The following SLIT3 variants were observed in gnomAD, a reference collection of about 807,000 sequenced individuals.
SLIT3 encodes the protein slit homolog 3 protein.
A neutral mutation model predicts 184.0 loss-of-function variants in SLIT3; 68 were observed. The observed-to-expected ratio is 0.37, with a 90% confidence interval of 0.30 to 0.45. The LOEUF (loss-of-function observed/expected upper bound fraction) is 0.45. Among genes scored for constraint, SLIT3 ranks in the 20% least tolerant of loss-of-function variants. The pLI, the probability that SLIT3 is intolerant of heterozygous loss-of-function variation, is 1.00. For missense variants in SLIT3, 1,707 were observed against 2,026.0 expected, an observed-to-expected ratio of 0.84 and a Z score of 3.02; for synonymous variants, 831 against 828.6, an observed-to-expected ratio of 1.00 and a Z score of -0.05.
intron 1 of SLIT3, among the ~76,000 whole-genome samples, chr5:169,279,294 G>A (rs1040687399): frequency 6.6e-6 from 1 of 152,220 alleles, no homozygotes; most frequent in Non-Finnish European, 1.5e-5. Context: ...CCCTGCAGGT[G>A]TGTGTAGAAT....
At chr5:168,933,286 G>A (rs529822787) in intron 4 of SLIT3, among the ~76,000 whole-genome samples, 2 of 151,928 alleles carry the variant, frequency 1.3e-5, no homozygotes, top group South Asian at 2.1e-4. Context: ...GCTCAAGCCT[G>A]TAATCCTGGC....
intron 1 of SLIT3, among the ~76,000 whole-genome samples, chr5:169,267,182 C>T (rs1217011316): frequency 1.3e-5 from 2 of 152,050 alleles, no homozygotes; most frequent in Non-Finnish European, 2.9e-5. Flanking sequence ...GAGATTAAGA[C>T]ACCTGTCTAT....
intron 4 of SLIT3, among the ~76,000 whole-genome samples, chr5:169,083,407 G>C (rs1053438820): frequency 6.6e-6 from 1 of 152,158 alleles, no homozygotes; most frequent in Non-Finnish European, 1.5e-5. Context: ...GGGGCGTTAG[G>C]GGGTGGGGGC....
intron 4 of SLIT3, among the ~76,000 whole-genome samples, chr5:168,917,379 G>A (rs149620285): frequency 6.6e-6 from 1 of 152,286 alleles, no homozygotes; most frequent in East Asian, 1.9e-4. Context: ...CCCAGCTTGT[G>A]TTCTTGCCTA....
intron 3 of SLIT3, among the ~76,000 whole-genome samples, chr5:169,211,832 T>C (rs1307427833): frequency 2.0e-5 from 3 of 152,138 alleles, no homozygotes; most frequent in African/African-American, 7.2e-5. Context: ...TTCCCCTCCC[T>C]GTGTCCATGT....
Position 168,838,654 on chromosome 5 carries a change from G to A in SLIT3, c.557+5930C>T, listed in dbSNP as rs1466372972. Among the ~76,000 whole-genome samples the A allele has an allele frequency of 3.9e-5, 6 of 152,204 alleles. No homozygotes were observed. In the South Asian group the frequency reaches 1.0e-3, roughly 26 times the overall value. On this transcript the variant is annotated intron_variant, in intron 6 of 35. Transcript: ENST00000519560. ...TTGAATATCCTAACACCCTGTACCA[G>A]GACACCAACCCCGCTCTAGGAGAGT...
At chr5:168,698,577 G>A (rs1414623127) in intron 27 of SLIT3, among the ~76,000 whole-genome samples, 1 of 152,124 alleles carries the variant, frequency 6.6e-6, no homozygotes, top group Non-Finnish European at 1.5e-5. Flanking sequence ...CTATCCTTCA[G>A]AACTGTGAGA....
chr5:169,240,584 T>TC (rs1561760090), intron 3 of SLIT3, among the ~76,000 whole-genome samples: 1 of 87,508 alleles, frequency 1.1e-5, no homozygotes, highest in African/African-American at 3.3e-5. Context: ...ATTTTCTTTT[T>TC]TTTTTTTTTT....
chr5:169,106,051 G>GC (rs1424452751), intron 4 of SLIT3, among the ~76,000 whole-genome samples: 1 of 145,658 alleles, frequency 6.9e-6, no homozygotes, highest in Non-Finnish European at 1.5e-5. Context: ...GAGCCTGTTG[G>GC]GGGGGCAGGG....
intron 20 of SLIT3, among the ~76,000 whole-genome samples, chr5:168,740,575 G>T (rs918909864): frequency 2.6e-5 from 4 of 152,146 alleles, no homozygotes; most frequent in Non-Finnish European, 4.4e-5. Flanking sequence ...TGAACCAGAG[G>T]CTCCCAGCCA....
chr5:168,749,726 G>A, intron 18 of SLIT3, 91 bp from the exon 19 acceptor site: 3 of 1,385,394 alleles, frequency 2.2e-6, no homozygotes, highest in East Asian at 2.3e-5. Context: ...TCCTAGCCAG[G>A]AAGGAGGAGG....
chr5:169,164,378 A>C (rs986640130), intron 4 of SLIT3, among the ~76,000 whole-genome samples: 3 of 152,174 alleles, frequency 2.0e-5, no homozygotes, highest in Admixed American at 6.5e-5. Flanking sequence ...TTTCCTGAAG[A>C]AGCAGCAGAG....
intron 4 of SLIT3, among the ~76,000 whole-genome samples, chr5:168,986,850 T>C (rs980887955): frequency 6.6e-6 from 1 of 152,218 alleles, no homozygotes; most frequent in African/African-American, 2.4e-5. Flanking sequence ...AAAAAGCCTT[T>C]AGTGTGGGTT....
At chr5:168,850,779 C>T (rs1245857558) in intron 5 of SLIT3, among the ~76,000 whole-genome samples, 1 of 152,220 alleles carries the variant, frequency 6.6e-6, no homozygotes, top group Admixed American at 6.5e-5. Context: ...TGCAACTTCT[C>T]AGCAGGAGAA....
At chr5:169,141,139 C>G (rs1316821021) in intron 4 of SLIT3, among the ~76,000 whole-genome samples, 2 of 152,162 alleles carry the variant, frequency 1.3e-5, no homozygotes, top group East Asian at 3.9e-4. Flanking sequence ...TTCACTATTC[C>G]CTTTGCTTTG....
chr5:168,755,789 G>A (rs934757121), intron 16 of SLIT3, among the ~76,000 whole-genome samples: 5 of 152,202 alleles, frequency 3.3e-5, no homozygotes, highest in South Asian at 2.1e-4. Context: ...CCTTCCCTCC[G>A]AGGCTGCATG....
At chr5:168,772,570 TTG>T (rs538634517) in intron 14 of SLIT3, 13,510 of 455,448 alleles carry the variant, frequency 0.03, no homozygotes, top group South Asian at 0.042. Context: ...CATGCTTTTA[TTG>T]TGTGTGTGTG....
intron 3 of SLIT3, among the ~76,000 whole-genome samples, chr5:169,221,138 C>A (rs1380758621): frequency 6.6e-6 from 1 of 152,198 alleles, no homozygotes; most frequent in Non-Finnish European, 1.5e-5. Context: ...CTCTATCAGG[C>A]AATTTTGCCT....
At chr5:168,789,874 T>A (rs891927) in intron 10 of SLIT3, 80,006 of 469,700 alleles carry the variant, frequency 0.17, 7,811 homozygotes, top group South Asian at 0.32. Context: ...ACCCGTGGCA[T>A]CTTCATCGGG....
Sources: allele counts gnomAD v4.1 joint callset (sites outside exome capture counted in the v4.1 genomes callset), GRCh38; gene constraint gnomAD v4.1.1; transcripts MANE v1.5; gene names NCBI Gene and HGNC (gene_info 2026-07-23, HGNC 2026-07-21).